ASTN2: variants seen among roughly 807,000 people sequenced by gnomAD.
ASTN2 encodes astrotactin 2, also known as astrotactin-2.
Under a neutral mutation model 139.8 loss-of-function variants are expected in ASTN2, and 54 were observed. The observed-to-expected ratio is 0.39, with a 90% CI of 0.31 to 0.48. ASTN2 has a LOEUF of 0.48. ASTN2 is among the 20% of genes least tolerant of loss of function. ASTN2 has a pLI of 0.95. For synonymous variants in ASTN2, 756 were observed against 719.5 expected (o/e 1.05, Z -0.81); for missense variants, 1,565 against 1,725.1 (o/e 0.91, Z 1.64).
intron 20 of ASTN2, among the ~76,000 whole-genome samples, chr9:116,462,429 A>G (rs1355389542): frequency 2.0e-5 from 3 of 152,102 alleles, no homozygotes; most frequent in African/African-American, 4.8e-5. Context: ...CTACATCTCA[A>G]TTCTTTGGGA....
chr9:116,928,394 T>A (rs370308673), intron 10 of ASTN2, among the ~76,000 whole-genome samples: 4 of 142,136 alleles, frequency 2.8e-5, no homozygotes, highest in African/African-American at 1.0e-4. Context: ...TCTAAAAAAA[T>A]TCCACATATA....
chr9:117,229,902 C>T (rs984629419), intron 2 of ASTN2, among the ~76,000 whole-genome samples: 10 of 151,978 alleles, frequency 6.6e-5, no homozygotes, highest in South Asian at 4.2e-4. Flanking sequence ...CAGCATGTTG[C>T]GAGGCTGAAG....
intron 19 of ASTN2, among the ~76,000 whole-genome samples, chr9:116,514,350 G>A (rs975247811): frequency 2.6e-5 from 4 of 150,964 alleles, no homozygotes; most frequent in Admixed American, 6.6e-5. Flanking sequence ...CGGCCTGATC[G>A]TTCCTCTGGA....
chr9:116,477,474 G>C (rs377300776), intron 20 of ASTN2, among the ~76,000 whole-genome samples: 2 of 152,012 alleles, frequency 1.3e-5, no homozygotes, highest in African/African-American at 4.8e-5. Flanking sequence ...ACTGAGCTCC[G>C]AGACCCTTGG....
At chr9:116,565,373 CTCTCTCTCTCTCTCCATATATA>C (rs1853140557) in intron 19 of ASTN2, among the ~76,000 whole-genome samples, 1 of 29,226 alleles carries the variant, frequency 3.4e-5, no homozygotes, top group Non-Finnish European at 5.7e-5. Flanking sequence ...CTCTCTCTCT[CTCTCTCTCTCTCTCCATATATA>C]TATATATATA....
intron 10 of ASTN2, among the ~76,000 whole-genome samples, chr9:116,959,740 A>G (rs1835824684): frequency 6.6e-6 from 1 of 152,126 alleles, no homozygotes; most frequent in Non-Finnish European, 1.5e-5. Flanking sequence ...CAAAAGATGA[A>G]GAAAACACCT....
chr9:116,815,688 C>A (rs1831295974), intron 12 of ASTN2, among the ~76,000 whole-genome samples: 1 of 150,230 alleles, frequency 6.7e-6, no homozygotes, highest in Admixed American at 6.7e-5. Context: ...ACCTGTAGTC[C>A]CAACTACTTG....
At chr9:117,297,097 C>A (rs527533735) in intron 1 of ASTN2, among the ~76,000 whole-genome samples, 87 of 152,312 alleles carry the variant, frequency 5.7e-4, no homozygotes, top group African/African-American at 1.9e-3. Context: ...AAATAAGCAG[C>A]TCTTCTCATC....
chr9:117,366,091 T>TGCAAAATCTA (rs1190389199), intron 1 of ASTN2, among the ~76,000 whole-genome samples: 1 of 152,162 alleles, frequency 6.6e-6, no homozygotes, highest in Non-Finnish European at 1.5e-5. Context: ...TCACTCATCT[T>TGCAAAATCTA]GCAAAACCTA....
chr9:116,557,325 T>C (rs1852682935), intron 19 of ASTN2, among the ~76,000 whole-genome samples: 1 of 151,846 alleles, frequency 6.6e-6, no homozygotes, highest in African/African-American at 2.4e-5. Flanking sequence ...TTCCTAGATA[T>C]GTTATTTGGG....
intron 1 of ASTN2, among the ~76,000 whole-genome samples, chr9:117,302,126 A>G (rs562783438): frequency 6.6e-6 from 1 of 152,130 alleles, no homozygotes; most frequent in Non-Finnish European, 1.5e-5. Flanking sequence ...AAATATAAAG[A>G]AAAAGGAGGC....
chr9:116,487,563 T>C, intron 19 of ASTN2, 63 bp from the exon 20 acceptor site: 1 of 1,525,766 alleles, frequency 6.6e-7, no homozygotes, highest in Non-Finnish European at 8.8e-7. Flanking sequence ...ACGTTTTTGC[T>C]GTCATCCAAA....
At chr9:117,265,028 TA>T (rs1229591887) in intron 2 of ASTN2, among the ~76,000 whole-genome samples, 1 of 152,194 alleles carries the variant, frequency 6.6e-6, no homozygotes, top group Admixed American at 6.5e-5. Context: ...ATCTCACAGC[TA>T]GAAGAAGTCA....
chr9:116,728,920 C>A, intron 15 of ASTN2, 72 bp downstream of exon 15: 1 of 1,272,416 alleles, frequency 7.9e-7, no homozygotes, highest in Non-Finnish European at 1.1e-6. Flanking sequence ...TATGCCCTGG[C>A]ACATGCTAGG....
intron 19 of ASTN2, chr9:116,545,910 C>T (rs1001536740): frequency 6.6e-6 from 1 of 152,156 alleles, no homozygotes; most frequent in Non-Finnish European, 1.5e-5. Context: ...AATGTGAGAA[C>T]TGATGATTAT....
intron 1 of ASTN2, among the ~76,000 whole-genome samples, chr9:117,364,155 T>C (rs1219171762): frequency 6.6e-6 from 1 of 152,046 alleles, no homozygotes; most frequent in Non-Finnish European, 1.5e-5. Flanking sequence ...CCCCACAGAG[T>C]AGGCATCCAA....
In ASTN2 at chr9:117,355,174, C is replaced by T. The variant is rs188733900; in HGVS notation, c.442+59323G>A. ...TTTATATCCAAGATCTAAGAGAGTC[C>T]CTGACAGATAGTGAATAGTCAGCAA... On this transcript the variant is annotated intron_variant, in intron 1 of 22. Transcript: ENST00000313400. Among the ~76,000 whole-genome samples, 103 of 151,880 alleles carry T rather than the reference C, an allele frequency of 6.8e-4. 1 individual carries two copies. Among genetic ancestry groups the T allele is most frequent in the African/African-American group, 2.5e-3 (102 of 41,416 alleles).
At chr9:116,523,334 A>ATGGACAT (rs1477287146) in intron 19 of ASTN2, among the ~76,000 whole-genome samples, 1 of 152,104 alleles carries the variant, frequency 6.6e-6, no homozygotes, top group Non-Finnish European at 1.5e-5. Flanking sequence ...ACATTTTGAG[A>ATGGACAT]TGGACATTTT....
chr9:116,796,907 G>T lies in ASTN2; in HGVS notation c.2396+8725C>A, dbSNP rs371167784. ...GCTCACGGCAGCCTTAAATTCCTGG[G>T]CTCTAGTGATCCTCCCACCTCAGCC... On this transcript the variant is annotated intron_variant, in intron 13 of 22. Transcript: ENST00000313400. 2.8e-4 allele frequency among the ~76,000 whole-genome samples: 42 copies of T among 152,130 alleles called. No individual in the cohort carries two copies. The East Asian group carries it at 4.8e-3, about 18-fold the overall frequency.
Sources: gnomAD v4.1 joint callset for allele counts (sites outside exome capture counted in the v4.1 genomes callset) on GRCh38, gnomAD v4.1.1 for gene constraint, MANE v1.5 for transcripts, NCBI Gene and HGNC (gene_info 2026-07-23, HGNC 2026-07-21) for gene names.